Variants in AGBL4 observed in about 807,000 individuals in gnomAD.
AGBL4 encodes the protein AGBL carboxypeptidase 4.
AGBL4 carries 58 observed loss-of-function variants against 66.4 expected under a neutral mutation model. That is an observed-to-expected ratio of 0.87 (90% CI 0.71 to 1.09). AGBL4 has a LOEUF of 1.09. AGBL4 is among the 50% of genes least tolerant of loss of function. The pLI is 0.00. For synonymous variants in AGBL4, 234 were observed against 222.9 expected (o/e 1.05, Z -0.44); for missense variants, 579 against 631.0 (o/e 0.92, Z 0.88).
At chr1:48,715,272 C>T (rs1225976742) in intron 6 of AGBL4, among the ~76,000 whole-genome samples, 1 of 152,180 alleles carries the variant, frequency 6.6e-6, no homozygotes, top group African/African-American at 2.4e-5. Flanking sequence ...CAGCAGTTGC[C>T]TCCCCTGGGA....
At chr1:49,218,724 G>A (rs1229038254) in intron 4 of AGBL4, among the ~76,000 whole-genome samples, 4 of 152,006 alleles carry the variant, frequency 2.6e-5, no homozygotes, top group Non-Finnish European at 4.4e-5. Context: ...ATATGGTTTG[G>A]CTATGTCCCC....
chr1:49,331,504 C>T (rs1163239551), intron 3 of AGBL4, among the ~76,000 whole-genome samples: 1 of 152,078 alleles, frequency 6.6e-6, no homozygotes. Context: ...AAGGGATCCC[C>T]CAATACAGTA....
In AGBL4 at chr1:49,647,532, C is replaced by A. The variant is rs1208088964; in HGVS notation, c.282+49781G>T. 2.6e-5 allele frequency among the ~76,000 whole-genome samples: 4 copies of A among 152,218 alleles called. No homozygotes were observed. In the East Asian group the frequency reaches 7.7e-4, roughly 29 times the overall value. ...GGGGACTCAGTCATTATGGGGCACC[C>A]ACAGTTTTGTGAATTTTACATCCAG... On this transcript the variant is annotated intron_variant, in intron 3 of 13. Transcript: ENST00000371839.
chr1:49,470,148 C>T (rs2148711051), intron 3 of AGBL4: 1 of 152,096 alleles, frequency 6.6e-6, no homozygotes, highest in East Asian at 1.9e-4. Flanking sequence ...CCATCTATAA[C>T]ATCATCCACA....
chr1:49,517,663 T>C (rs184372845), intron 3 of AGBL4, among the ~76,000 whole-genome samples: 7 of 152,124 alleles, frequency 4.6e-5, no homozygotes, highest in Non-Finnish European at 7.4e-5. Flanking sequence ...GAGGCAAGTA[T>C]ACTTAAGACT....
At chr1:48,807,429 G>C (rs1384585990) in intron 6 of AGBL4, among the ~76,000 whole-genome samples, 1 of 152,218 alleles carries the variant, frequency 6.6e-6, no homozygotes, top group Non-Finnish European at 1.5e-5. Flanking sequence ...ACAAGGCTCA[G>C]GGAGATTGTG....
At chr1:49,176,321 T>G (rs1435143482) in intron 4 of AGBL4, among the ~76,000 whole-genome samples, 1 of 152,048 alleles carries the variant, frequency 6.6e-6, no homozygotes, top group Non-Finnish European at 1.5e-5. Context: ...TCTCCAAAAA[T>G]AAAACCTAGG....
chr1:49,654,400 G>A (rs1203961318), intron 3 of AGBL4, among the ~76,000 whole-genome samples: 1 of 152,148 alleles, frequency 6.6e-6, no homozygotes, highest in Non-Finnish European at 1.5e-5. Flanking sequence ...TGTATATTCT[G>A]TTGATTTGGG....
At chr1:49,980,931 A>T (rs1446088526) in intron 1 of AGBL4, among the ~76,000 whole-genome samples, 4 of 152,216 alleles carry the variant, frequency 2.6e-5, no homozygotes, top group Non-Finnish European at 4.4e-5. Flanking sequence ...TTCTGCTAGT[A>T]CCAATTTATA....
intron 5 of AGBL4, among the ~76,000 whole-genome samples, chr1:48,971,624 T>C (rs967488125): frequency 6.6e-6 from 1 of 152,120 alleles, no homozygotes; most frequent in African/African-American, 2.4e-5. Flanking sequence ...AAAACTAATA[T>C]GCAGCAATGG....
At chr1:49,364,433 G>C (rs570815362) in intron 3 of AGBL4, among the ~76,000 whole-genome samples, 1 of 151,808 alleles carries the variant, frequency 6.6e-6, no homozygotes, top group African/African-American at 2.4e-5. Flanking sequence ...GTACCAACAA[G>C]TACTTTAATT....
intron 3 of AGBL4, among the ~76,000 whole-genome samples, chr1:49,606,993 T>A (rs1645073679): frequency 6.6e-6 from 1 of 152,124 alleles, no homozygotes; most frequent in African/African-American, 2.4e-5. Context: ...TACCTATATG[T>A]TAAACACAAA....
intron 3 of AGBL4, among the ~76,000 whole-genome samples, chr1:49,400,754 T>G (rs1321755578): frequency 3.3e-5 from 5 of 152,226 alleles, no homozygotes; most frequent in Non-Finnish European, 2.9e-5. Context: ...TGAGTCCTAA[T>G]AGGTTTCTGG....
chr1:49,073,576 G>C (rs563174061), intron 4 of AGBL4, among the ~76,000 whole-genome samples: 1 of 152,282 alleles, frequency 6.6e-6, no homozygotes, highest in African/African-American at 2.4e-5. Context: ...TATCACCAGT[G>C]GAGGCTGCAG....
At chr1:49,918,328 T>C (rs1242772097) in intron 1 of AGBL4, among the ~76,000 whole-genome samples, 1 of 152,036 alleles carries the variant, frequency 6.6e-6, no homozygotes, top group African/African-American at 2.4e-5. Context: ...ACAAAAGTGA[T>C]AGACCGCTAG....
intron 3 of AGBL4, among the ~76,000 whole-genome samples, chr1:49,263,931 A>G (rs1653479181): frequency 6.6e-6 from 1 of 152,224 alleles, no homozygotes; most frequent in Admixed American, 6.5e-5. Flanking sequence ...TCATTAGTAC[A>G]AAATACTTTT....
At chr1:49,551,461 G>C (rs1365246116) in intron 3 of AGBL4, among the ~76,000 whole-genome samples, 1 of 152,172 alleles carries the variant, frequency 6.6e-6, no homozygotes, top group Non-Finnish European at 1.5e-5. Context: ...GAAGGTTACT[G>C]TTCAGATTCT....
chr1:49,321,522 C>T (rs1645131871), intron 3 of AGBL4, among the ~76,000 whole-genome samples: 1 of 152,092 alleles, frequency 6.6e-6, no homozygotes, highest in Admixed American at 6.5e-5. Flanking sequence ...ATATGGCAGC[C>T]TCTAATGAAA....
intron 2 of AGBL4, among the ~76,000 whole-genome samples, chr1:49,747,903 G>C (rs1394662427): frequency 6.6e-6 from 1 of 151,506 alleles, no homozygotes; most frequent in African/African-American, 2.4e-5. Context: ...ATTTGACAGG[G>C]TTATCCAAAG....
Sources: allele counts gnomAD v4.1 joint callset (sites outside exome capture counted in the v4.1 genomes callset), GRCh38; gene constraint gnomAD v4.1.1; transcripts MANE v1.5; gene names NCBI Gene and HGNC (gene_info 2026-07-23, HGNC 2026-07-21).